The following DIP2B variants were observed in gnomAD, a reference collection of about 807,000 sequenced individuals.
DIP2B encodes DIP2 acetate--CoA ligase B (putative).
DIP2B carries 76 observed loss-of-function variants against 198.0 expected under a neutral mutation model. The observed-to-expected ratio is 0.38, with a 90% CI of 0.32 to 0.46. The LOEUF is 0.46. DIP2B is among the 20% of genes least tolerant of loss of function. DIP2B has a pLI of 0.99. For missense variants in DIP2B, 1,559 were observed against 1,978.4 expected, an observed-to-expected ratio of 0.79 and a Z score of 4.02; for synonymous variants, 701 against 739.1, an observed-to-expected ratio of 0.95 and a Z score of 0.84.
At chr12:50,654,945 A>G (rs1938529403) in intron 3 of DIP2B, 1 of 437,382 alleles carries the variant, frequency 2.3e-6, no homozygotes, top group South Asian at 1.6e-5. Flanking sequence ...TGTGGTAAAA[A>G]CTGTTTTGGG....
Position 50,720,015 on chromosome 12 carries a change from C to G in DIP2B, c.3042+980C>G, listed in dbSNP as rs1229683610. ...GTGCCATCTCAGCTCAGTGCAACCTCTGCCTCCTGGGTTCAAGCGATTCTC... is the reference window on the plus strand; with the variant it reads ...GTGCCATCTCAGCTCAGTGCAACCTGTGCCTCCTGGGTTCAAGCGATTCTC... On this transcript the variant is annotated intron_variant, in intron 25 of 37. Transcript: ENST00000301180. Among the ~76,000 whole-genome samples, 6 of 150,942 alleles carry G rather than the reference C, an allele frequency of 4.0e-5. No individual in the cohort carries two copies. In the South Asian group the frequency reaches 1.1e-3, roughly 26 times the overall value.
chr12:50,548,145 C>T (rs909273753), intron 1 of DIP2B, among the ~76,000 whole-genome samples: 2 of 152,102 alleles, frequency 1.3e-5, no homozygotes, highest in African/African-American at 2.4e-5. Context: ...GTGGCAATTT[C>T]ATCTAGAATT....
intron 1 of DIP2B, among the ~76,000 whole-genome samples, chr12:50,581,569 A>T (rs1217838276): frequency 6.7e-6 from 1 of 149,224 alleles, no homozygotes; most frequent in Admixed American, 6.9e-5. Context: ...TATTTACCAT[A>T]TACCCTAGGA....
intron 1 of DIP2B, among the ~76,000 whole-genome samples, chr12:50,553,353 T>G (rs1458723598): frequency 6.6e-6 from 1 of 152,164 alleles, no homozygotes; most frequent in Non-Finnish European, 1.5e-5. Context: ...GAACGACAGA[T>G]TGTGTTTGTT....
chr12:50,683,264 T>G lies in DIP2B; in HGVS notation c.1317+16T>G. The G allele has an allele frequency of 6.3e-7, 1 of 1,594,306 alleles. No homozygotes were observed. Among genetic ancestry groups the G allele is most frequent in the Non-Finnish European group, 8.6e-7 (1 of 1,165,996 alleles). On this transcript the variant is annotated intron_variant, in intron 10 of 37. Coordinates refer to ENST00000301180, the MANE Select transcript of DIP2B (RefSeq NM_173602.3). ...TACCAGAAAGGTAACATTGCTAAAT[T>G]TAAGAGGAATGTAGCCTGATGTGAC...
At chr12:50,532,625 A>G (rs940792762) in intron 1 of DIP2B, among the ~76,000 whole-genome samples, 1 of 152,230 alleles carries the variant, frequency 6.6e-6, no homozygotes, top group Non-Finnish European at 1.5e-5. Flanking sequence ...GCTTCTGTGG[A>G]AAGTCACTGT....
At chr12:50,738,650 A>G (rs1940181033) in intron 35 of DIP2B, among the ~76,000 whole-genome samples, 1 of 151,808 alleles carries the variant, frequency 6.6e-6, no homozygotes, top group Admixed American at 6.6e-5. Flanking sequence ...ACGCCTGGCT[A>G]ATTTTGTATT....
rs371662063 is a variant in DIP2B, at chr12:50,572,526, G to A, written c.101-53450G>A. On this transcript the variant is annotated intron_variant, in intron 1 of 37. Transcript: ENST00000301180. ...ATTTACTGAATGCCTTTGGCAAAAGGCTCCTGCTAGATGCTTTGAGGGATA... is the reference window on the plus strand; with the variant it reads ...ATTTACTGAATGCCTTTGGCAAAAGACTCCTGCTAGATGCTTTGAGGGATA... 4.3e-4 allele frequency among the ~76,000 whole-genome samples: 65 copies of A among 152,266 alleles called. No homozygotes were observed. In the South Asian group the frequency reaches 0.013, roughly 30 times the overall value.
intron 1 of DIP2B, among the ~76,000 whole-genome samples, chr12:50,517,003 G>A (rs935905779): frequency 4.7e-5 from 7 of 149,490 alleles, no homozygotes; most frequent in Admixed American, 3.3e-4. Context: ...CTCAAAATCC[G>A]CCTCCCGGGT....
At chr12:50,540,377 G>A (rs1244298405) in intron 1 of DIP2B, among the ~76,000 whole-genome samples, 1 of 151,362 alleles carries the variant, frequency 6.6e-6, no homozygotes, top group Non-Finnish European at 1.5e-5. Context: ...CCAAAGTGCT[G>A]GGATTACAGG....
At chr12:50,600,412 A>C (rs777788981) in intron 1 of DIP2B, among the ~76,000 whole-genome samples, 5 of 152,202 alleles carry the variant, frequency 3.3e-5, no homozygotes, top group Non-Finnish European at 5.9e-5. Flanking sequence ...GTGGGTATCA[A>C]TAATACTTTG....
intron 1 of DIP2B, among the ~76,000 whole-genome samples, chr12:50,517,155 G>A (rs769319025): frequency 6.6e-6 from 1 of 151,920 alleles, no homozygotes; most frequent in Non-Finnish European, 1.5e-5. Context: ...TTCTGACCTC[G>A]TGATCCACCT....
rs550576769 is a variant in DIP2B, at chr12:50,539,852, G to T, written c.100+34612G>T. Among the ~76,000 whole-genome samples, 88 of 151,968 alleles carry T rather than the reference G, an allele frequency of 5.8e-4. No individual in the cohort carries two copies. The Middle Eastern group carries it at 0.017, about 29-fold the overall frequency. On this transcript the variant is annotated intron_variant, in intron 1 of 37. Transcript: ENST00000301180. ...AATAATATATTATTTAGTTTTACAAGCTTTTCTATGAATTTTCTATGAGTG... is the reference window on the plus strand; with the variant it reads ...AATAATATATTATTTAGTTTTACAATCTTTTCTATGAATTTTCTATGAGTG...
intron 25 of DIP2B, among the ~76,000 whole-genome samples, chr12:50,719,758 T>C (rs1939798973): frequency 6.6e-6 from 1 of 151,372 alleles, no homozygotes; most frequent in African/African-American, 2.4e-5. Context: ...GGAGAATCGC[T>C]TGAATCCGGG....
At chr12:50,655,579 CT>C (rs1389059473) in intron 3 of DIP2B, among the ~76,000 whole-genome samples, 3 of 152,224 alleles carry the variant, frequency 2.0e-5, no homozygotes, top group Admixed American at 6.5e-5. Flanking sequence ...ACTCAAACAG[CT>C]TTTGACCATG....
chr12:50,575,354 G>T (rs1958649548), intron 1 of DIP2B, among the ~76,000 whole-genome samples: 1 of 151,768 alleles, frequency 6.6e-6, no homozygotes, highest in African/African-American at 2.4e-5. Context: ...GGGAAAGCTG[G>T]GGGTCACCAC....
intron 1 of DIP2B, among the ~76,000 whole-genome samples, chr12:50,621,792 G>T (rs1356122068): frequency 2.6e-5 from 4 of 152,192 alleles, no homozygotes; most frequent in South Asian, 2.1e-4. Flanking sequence ...TAAAGATACT[G>T]TAGGCCTAGC....
chr12:50,634,914 G>A (rs1339159391), intron 2 of DIP2B, among the ~76,000 whole-genome samples: 1 of 152,132 alleles, frequency 6.6e-6, no homozygotes, highest in East Asian at 1.9e-4. Flanking sequence ...AATACAAGAA[G>A]CAGGGCACTC....
At chr12:50,542,728 G>A (rs1350991575) in intron 1 of DIP2B, among the ~76,000 whole-genome samples, 2 of 152,186 alleles carry the variant, frequency 1.3e-5, no homozygotes, top group African/African-American at 4.8e-5. Flanking sequence ...CAATTGCAAA[G>A]CTTTAATCAG....
Sources: allele counts gnomAD v4.1 joint callset (sites outside exome capture counted in the v4.1 genomes callset), GRCh38; gene constraint gnomAD v4.1.1; transcripts MANE v1.5; gene names NCBI Gene and HGNC (gene_info 2026-07-23, HGNC 2026-07-21).